The following NCOR1 variants were observed in gnomAD, a reference collection of about 807,000 sequenced individuals.
The protein encoded by NCOR1 is protein phosphatase 1, regulatory subunit 109.
In NCOR1, 63 loss-of-function variants were observed where a neutral mutation model predicts 288.1. The observed-to-expected ratio is 0.22, with a 90% CI of 0.18 to 0.27. The LOEUF (loss-of-function observed/expected upper bound fraction) is 0.27, where lower values mean the gene tolerates loss of function less well. NCOR1 is among the 10% of genes least tolerant of loss of function. The pLI is 1.00. For synonymous variants in NCOR1, 1,007 were observed against 1,065.9 expected, an observed-to-expected ratio of 0.94 and a Z score of 1.08; for missense variants, 2,397 against 3,019.2, an observed-to-expected ratio of 0.79 and a Z score of 4.83.
At chr17:16,074,608 T>C (rs771048462) in intron 27 of NCOR1, among the ~76,000 whole-genome samples, 7 of 152,206 alleles carry the variant, frequency 4.6e-5, no homozygotes, top group Non-Finnish European at 7.3e-5. Flanking sequence ...TGTACGCACA[T>C]ACTTTATTTC....
chr17:16,064,845 G>A (rs1350291371), intron 34 of NCOR1, 25 bp downstream of exon 34: 3 of 1,535,676 alleles, frequency 2.0e-6, no homozygotes, highest in Non-Finnish European at 2.6e-6. Flanking sequence ...TTCTATTAGA[G>A]AGGTGTGTAA....
chr17:16,183,230 C>CAAAAAAAAAAAAAAGAAAAAAAAAAAAA (rs2085877420), intron 3 of NCOR1, among the ~76,000 whole-genome samples: 1 of 64,090 alleles, frequency 1.6e-5, no homozygotes, highest in Non-Finnish European at 3.7e-5. Flanking sequence ...AGCAATCAAA[C>CAAAAAAAAAAAAAAGAAAAAAAAAAAAA]AAAAAAAAAA....
rs1197934874 is a variant in NCOR1, at chr17:16,032,101, GT to G, written c.*194del. On this transcript the variant is annotated 3_prime_UTR_variant, in exon 46 of 46. Coordinates refer to ENST00000268712, the MANE Select transcript of NCOR1 (RefSeq NM_006311.4). Reference sequence around the variant, plus strand: ...CACTGAATTGCCTGTATCAAAGGCAGTTTTTTGTTTGTTTTTTTCCCATTTG... The same window carrying G: ...CACTGAATTGCCTGTATCAAAGGCAGTTTTTGTTTGTTTTTTTCCCATTTG... The G allele has an allele frequency of 2.1e-5, 12 of 566,758 alleles. No individual in the cohort carries two copies. Among genetic ancestry groups the G allele is most frequent in the Non-Finnish European group, 3.5e-5 (12 of 339,590 alleles). The allele number at this position is 566,758 out of a possible 1,614,324, so 35.1% of individuals were successfully genotyped here.
chr17:16,195,305 T>C (rs2089523055), intron 1 of NCOR1, among the ~76,000 whole-genome samples: 1 of 152,070 alleles, frequency 6.6e-6, no homozygotes, highest in African/African-American at 2.4e-5. Context: ...ACTTCTTTTC[T>C]ACTAAAAATA....
chr17:16,037,474 G>T (rs568206035), intron 44 of NCOR1, among the ~76,000 whole-genome samples: 1 of 152,164 alleles, frequency 6.6e-6, no homozygotes, highest in East Asian at 1.9e-4. Context: ...GATTTCACTT[G>T]TAACAATCAA....
At chr17:16,090,083 A>C (rs2064938911) in intron 22 of NCOR1, among the ~76,000 whole-genome samples, 1 of 152,060 alleles carries the variant, frequency 6.6e-6, no homozygotes, top group East Asian at 1.9e-4. Flanking sequence ...ACACAGAGAA[A>C]TACAATTCAC....
chr17:16,040,891 A>G (rs1019007291), intron 42 of NCOR1: 1 of 188,868 alleles, frequency 5.3e-6, no homozygotes, highest in Non-Finnish European at 1.1e-5. Context: ...ATAAATAAAT[A>G]AAAAAAGAAG....
At chr17:16,150,040 G>A (rs1201796477) in intron 8 of NCOR1, among the ~76,000 whole-genome samples, 2 of 152,110 alleles carry the variant, frequency 1.3e-5, no homozygotes, top group Non-Finnish European at 2.9e-5. Context: ...GGAGGGCAAT[G>A]TGTCAAAACA....
chr17:16,208,984 C>CAA (rs980643490), intron 1 of NCOR1, among the ~76,000 whole-genome samples: 53 of 152,238 alleles, frequency 3.5e-4, no homozygotes, highest in African/African-American at 1.2e-3. Flanking sequence ...TCTTCTACAG[C>CAA]AACCACACTA....
At chr17:16,159,816 A>T (rs1235567874) in intron 5 of NCOR1, among the ~76,000 whole-genome samples, 2 of 151,684 alleles carry the variant, frequency 1.3e-5, no homozygotes, top group Non-Finnish European at 2.9e-5. Flanking sequence ...TGATCCTAGG[A>T]ACCTTTCTGG....
intron 5 of NCOR1, among the ~76,000 whole-genome samples, chr17:16,164,348 C>T (rs2081559767): frequency 6.6e-6 from 1 of 151,480 alleles, no homozygotes; most frequent in South Asian, 2.1e-4. Flanking sequence ...CTTCTATACA[C>T]ATATCTGACA....
At chr17:16,190,662 TA>T (rs1046198821) in intron 2 of NCOR1, among the ~76,000 whole-genome samples, 2 of 152,062 alleles carry the variant, frequency 1.3e-5, no homozygotes, top group African/African-American at 4.8e-5. Context: ...AAAGAATTTC[TA>T]AAGGACGTAC....
chr17:16,042,562 T>G (rs2057923067), intron 42 of NCOR1, among the ~76,000 whole-genome samples: 1 of 152,236 alleles, frequency 6.6e-6, no homozygotes, highest in Non-Finnish European at 1.5e-5. Context: ...TTCAACTATT[T>G]AATAAGCAAT....
chr17:16,041,507 G>A (rs746251373), intron 42 of NCOR1, among the ~76,000 whole-genome samples: 8 of 146,362 alleles, frequency 5.5e-5, no homozygotes, highest in East Asian at 2.0e-4. Context: ...TCTGCCTCCT[G>A]GGTTCAAGCA....
At chr17:16,056,517 T>C (rs1007630523) in intron 40 of NCOR1, among the ~76,000 whole-genome samples, 2 of 151,978 alleles carry the variant, frequency 1.3e-5, no homozygotes, top group African/African-American at 2.4e-5. Context: ...GGTTTCACCA[T>C]GTTGGCCAGG....
At chr17:16,181,423 T>C (rs1023094422) in intron 3 of NCOR1, among the ~76,000 whole-genome samples, 2 of 145,084 alleles carry the variant, frequency 1.4e-5, no homozygotes, top group Admixed American at 1.4e-4. Flanking sequence ...TACACAGGGA[T>C]AGAGAATGAA....
intron 5 of NCOR1, chr17:16,164,775 C>A: frequency 2.7e-6 from 1 of 377,282 alleles, no homozygotes; most frequent in African/African-American, 2.1e-5. Context: ...ACAAATTTCA[C>A]TCTCTACAAT....
At chr17:16,118,934 G>A (rs2153130513) in intron 17 of NCOR1, among the ~76,000 whole-genome samples, 1 of 152,264 alleles carries the variant, frequency 6.6e-6, no homozygotes, top group South Asian at 2.1e-4. Context: ...TCGCTGGCCT[G>A]GTTACAAACT....
At chr17:16,073,252 T>C (rs1406924313) in intron 28 of NCOR1, among the ~76,000 whole-genome samples, 177 bp downstream of exon 28, 1 of 152,144 alleles carries the variant, frequency 6.6e-6, no homozygotes, top group East Asian at 1.9e-4. Flanking sequence ...TATATACAGA[T>C]ATAAACTTAA....
Sources: allele counts gnomAD v4.1 joint callset (sites outside exome capture counted in the v4.1 genomes callset), GRCh38; gene constraint gnomAD v4.1.1; transcripts MANE v1.5; gene names NCBI Gene and HGNC (gene_info 2026-07-23, HGNC 2026-07-21).